BCO2: variants seen among roughly 807,000 people sequenced by gnomAD.
BCO2 encodes carotenoid-cleaving dioxygenase, mitochondrial.
A neutral mutation model predicts 65.8 loss-of-function variants in BCO2; 56 were observed. The ratio of observed to expected loss-of-function variants is 0.85; its 90% CI spans 0.69 to 1.06. The LOEUF is 1.06. Among genes scored for constraint, BCO2 ranks in the 50% least tolerant of loss-of-function variants. BCO2 has a pLI of 0.00. For synonymous variants in BCO2, 233 were observed against 242.3 expected (o/e 0.96, Z 0.36); for missense variants, 675 against 698.5 (o/e 0.97, Z 0.38).
intron 1 of BCO2, among the ~76,000 whole-genome samples, chr11:112,178,920 G>T (rs1866954436): frequency 6.6e-6 from 1 of 152,126 alleles, no homozygotes; most frequent in South Asian, 2.1e-4. Flanking sequence ...GCACATCTGG[G>T]GTTGGCATGT....
chr11:112,179,242 A>G, intron 1 of BCO2, 36 bp from the exon 2 acceptor site: 4 of 1,584,524 alleles, frequency 2.5e-6, no homozygotes, highest in Non-Finnish European at 3.5e-6. Context: ...AAGATTTGGT[A>G]AAATATTTTT....
Position 112,193,641 on chromosome 11 carries a change from G to T in BCO2, c.461G>T (p.Cys154Phe). The change falls in exon 3 of 12, where the codon TGC (cysteine) becomes TTC (phenylalanine). Residue 154 changes from cysteine (C) to phenylalanine (F), a missense_variant. Cys to Phe is a radical substitution (Grantham distance 205, BLOSUM62 -2). Transcript: ENST00000357685. The stretch of plus-strand genomic sequence containing the variant: ...GGCACACTGGCTCTCCCGGATCCAT[G>T]CAAGAATGTTTTTGAACGTTTCATG... ...EFGTLALPDP[C>F]KNVFERFMSR... 1 of 1,614,154 alleles carries T rather than the reference G, an allele frequency of 6.2e-7. No individual in the cohort carries two copies. The highest frequency in any genetic ancestry group is 8.5e-7 in the Non-Finnish European group (1 of 1,180,014).
At chr11:112,196,603 T>C (rs1867580593) in intron 5 of BCO2, among the ~76,000 whole-genome samples, 1 of 152,216 alleles carries the variant, frequency 6.6e-6, no homozygotes, top group African/African-American at 2.4e-5. Flanking sequence ...TTGTCTAATA[T>C]TTCTTTCATC....
Position 112,191,674 on chromosome 11 carries a change from A to C in BCO2, c.294-1800A>C, listed in dbSNP as rs147923889. Among the ~76,000 whole-genome samples the C allele has an allele frequency of 1.4e-4, 22 of 152,276 alleles. No individual in the cohort carries two copies. In the East Asian group the frequency reaches 3.9e-3, roughly 27 times the overall value. On this transcript the variant is annotated intron_variant, in intron 2 of 11. Transcript: ENST00000357685. The stretch of plus-strand genomic sequence containing the variant: ...TGTAAGAATTGACAAGAAAACAATA[A>C]ATTTTTTTTCAGAGGGAGCAACTAG...
At chr11:112,206,317 C>T (rs1020892191) in intron 8 of BCO2, among the ~76,000 whole-genome samples, 1 of 148,636 alleles carries the variant, frequency 6.7e-6, no homozygotes, top group Admixed American at 6.7e-5. Flanking sequence ...GCGGCAGGGG[C>T]GGCAGCTGGG....
intron 2 of BCO2, among the ~76,000 whole-genome samples, chr11:112,186,072 A>T (rs1454154232): frequency 1.3e-5 from 2 of 152,178 alleles, no homozygotes; most frequent in Non-Finnish European, 2.9e-5. Context: ...AGAATTAGGG[A>T]TGTTTAAAAA....
At chr11:112,181,527 G>T (rs1322201048) in intron 2 of BCO2, 15 of 737,322 alleles carry the variant, frequency 2.0e-5, no homozygotes, top group Admixed American at 7.1e-5. Context: ...AACCCATTTT[G>T]AACTACTTGC....
At position 112,199,755 on chromosome 11, in the gene BCO2, A is replaced by G. The variant is rs762066142; in HGVS notation, c.793A>G (p.Ile265Val). The G allele has an allele frequency of 1.9e-5, 31 of 1,613,532 alleles. 2 individuals carry two copies. In the South Asian group the frequency reaches 2.9e-4, roughly 15 times the overall value. ...PPEKVDLGET[I>V]HGVQVICSIA... ...AGAGAAGGTGGACCTTGGGGAGACA[A>G]TCCATGGAGTCCAGGTGATATGTTC... The change falls in exon 6 of 12, where the codon ATC becomes GTC. Residue 265 changes from isoleucine to valine, a missense_variant. Physicochemically the swap from Ile to Val is conservative, Grantham distance 29. Coordinates refer to ENST00000357685, the MANE Select transcript of BCO2 (RefSeq NM_031938.7).
At chr11:112,208,421 T>A (rs546217799) in intron 8 of BCO2, among the ~76,000 whole-genome samples, 5 of 1,948 alleles carry the variant, frequency 2.6e-3, no homozygotes, top group African/African-American at 2.9e-3. Context: ...GTATATTGGC[T>A]TTTTTTTTTT....
chr11:112,192,860 A>G (rs1310495127), intron 2 of BCO2, among the ~76,000 whole-genome samples: 6 of 133,096 alleles, frequency 4.5e-5, no homozygotes, highest in African/African-American at 1.4e-4. Flanking sequence ...CTATTATCTT[A>G]GCTGTGGAGT....
At chr11:112,183,661 T>G (rs1457377784) in intron 2 of BCO2, among the ~76,000 whole-genome samples, 1 of 152,196 alleles carries the variant, frequency 6.6e-6, no homozygotes, top group Non-Finnish European at 1.5e-5. Flanking sequence ...GTTGTTTAGG[T>G]TTATAAATTG....
chr11:112,217,704 AC>A, intron 11 of BCO2, 56 bp from the exon 12 acceptor site: 1 of 1,300,132 alleles, frequency 7.7e-7, no homozygotes, highest in Non-Finnish European at 1.1e-6. Flanking sequence ...AGTGGAGGAG[AC>A]AGGCAAATTT....
At chr11:112,202,439 T>C (rs946979449) in intron 8 of BCO2, among the ~76,000 whole-genome samples, 1 of 151,982 alleles carries the variant, frequency 6.6e-6, no homozygotes, top group Non-Finnish European at 1.5e-5. Flanking sequence ...CGCACCACCA[T>C]GCCCTGCTAA....
At chr11:112,188,992 T>C (rs11214120) in intron 2 of BCO2, among the ~76,000 whole-genome samples, 34,799 of 151,920 alleles carry the variant, frequency 0.23, 4,102 homozygotes, top group Middle Eastern at 0.27. Context: ...TTTTGAAAAA[T>C]ACTACCAAAG....
At chr11:112,183,169 A>G (rs1867103792) in intron 2 of BCO2, 7 of 1,055,042 alleles carry the variant, frequency 6.6e-6, no homozygotes, top group African/African-American at 6.2e-5. Context: ...ACACCACTAT[A>G]CATGTCACAA....
intron 5 of BCO2, among the ~76,000 whole-genome samples, chr11:112,198,283 A>G (rs11214129): frequency 0.11 from 16,235 of 151,836 alleles, 1,228 homozygotes; most frequent in East Asian, 0.38. Context: ...TGATCACACC[A>G]CTGTACTCCA....
In BCO2 at chr11:112,176,439, G is replaced by T. The variant is rs554611857; in HGVS notation, c.88+750G>T. On this transcript the variant is annotated intron_variant, in intron 1 of 11. Coordinates refer to ENST00000357685, the MANE Select transcript of BCO2 (RefSeq NM_031938.7). ...TATAAAGCAAATGACATGGCAACTG[G>T]ATCTTGAAGGATGAGTTAGGTGAGT... is the stretch of plus-strand genomic sequence containing the variant. The T allele has an allele frequency of 1.7e-4, 23 of 135,196 alleles. No individual in the cohort carries two copies. In the South Asian group the frequency reaches 5.3e-3, roughly 31 times the overall value. 8.4% of individuals were successfully genotyped at this position (135,196 alleles called of 1,614,324 possible). A position where few individuals can be genotyped will look rare whatever the true frequency, so the allele number is the denominator to read the frequency against.
At chr11:112,188,756 G>C (rs1566774216) in intron 2 of BCO2, among the ~76,000 whole-genome samples, 2 of 27,630 alleles carry the variant, frequency 7.2e-5, no homozygotes. Context: ...TGCATAAATA[G>C]CTTTTTTTTT....
chr11:112,184,443 C>G (rs1470800268), intron 2 of BCO2, among the ~76,000 whole-genome samples: 1 of 151,870 alleles, frequency 6.6e-6, no homozygotes, highest in Non-Finnish European at 1.5e-5. Context: ...TTAGTAGAGA[C>G]GGGGTTTCAC....
Sources: gnomAD v4.1 joint callset for allele counts (sites outside exome capture counted in the v4.1 genomes callset) on GRCh38, gnomAD v4.1.1 for gene constraint, MANE v1.5 for transcripts, NCBI Gene and HGNC (gene_info 2026-07-23, HGNC 2026-07-21) for gene names.